Variants in TRPS1 observed in about 807,000 individuals in gnomAD.
TRPS1 encodes the protein zinc finger transcription factor Trps1.
TRPS1 carries 6 observed loss-of-function variants against 101.2 expected under a neutral mutation model. That is an observed-to-expected ratio of 0.06 (90% CI 0.03 to 0.12). The LOEUF is 0.12. Among genes scored for constraint, TRPS1 ranks in the 10% least tolerant of loss-of-function variants. The pLI, the probability that TRPS1 is intolerant of heterozygous loss-of-function variation, is 1.00. For synonymous variants in TRPS1, 578 were observed against 589.8 expected (o/e 0.98, Z 0.29); for missense variants, 1,363 against 1,567.0 (o/e 0.87, Z 2.20).
At chr8:115,462,642 T>TC (rs1491362722) in intron 5 of TRPS1, among the ~76,000 whole-genome samples, 1 of 21,106 alleles carries the variant, frequency 4.7e-5, no homozygotes. Context: ...TCTCTCTCTC[T>TC]TTTTTTTTTT....
chr8:115,422,386 A>G (rs1183471018), intron 5 of TRPS1, among the ~76,000 whole-genome samples: 1 of 142,436 alleles, frequency 7.0e-6, no homozygotes, highest in African/African-American at 2.7e-5. Flanking sequence ...TTTTTTTTTG[A>G]GATGGAGCGT....
intron 5 of TRPS1, among the ~76,000 whole-genome samples, chr8:115,492,800 A>G (rs1815060878): frequency 6.6e-6 from 1 of 151,952 alleles, no homozygotes; most frequent in South Asian, 2.1e-4. Flanking sequence ...TGCAACCACC[A>G]CCTCCCAGGT....
At chr8:115,420,451 T>G (rs879934851) in intron 5 of TRPS1, among the ~76,000 whole-genome samples, 1 of 152,186 alleles carries the variant, frequency 6.6e-6, no homozygotes, top group Non-Finnish European at 1.5e-5. Context: ...AACACCAACT[T>G]GGTCCACACA....
intron 1 of TRPS1, among the ~76,000 whole-genome samples, chr8:115,633,476 T>TA (rs985336572): frequency 6.6e-6 from 1 of 152,098 alleles, no homozygotes; most frequent in Non-Finnish European, 1.5e-5. Context: ...ACAAGCTACA[T>TA]AAAGGTGGAA....
intron 5 of TRPS1, among the ~76,000 whole-genome samples, chr8:115,427,534 CAA>C: frequency 6.6e-6 from 1 of 152,128 alleles, no homozygotes; most frequent in Admixed American, 6.6e-5. Context: ...AAGCAATTTG[CAA>C]CTGCTGAATA....
intron 5 of TRPS1, among the ~76,000 whole-genome samples, chr8:115,582,674 A>C (rs1464526089): frequency 6.6e-6 from 1 of 152,178 alleles, no homozygotes; most frequent in Non-Finnish European, 1.5e-5. Context: ...TCAGTGGCTC[A>C]ACTTGGAACT....
intron 5 of TRPS1, among the ~76,000 whole-genome samples, chr8:115,540,732 C>T (rs1276498722): frequency 6.6e-6 from 1 of 151,770 alleles, no homozygotes; most frequent in African/African-American, 2.4e-5. Context: ...GAATTACATA[C>T]CAGTTGTCTT....
intron 5 of TRPS1, among the ~76,000 whole-genome samples, chr8:115,471,958 C>T (rs1026809292): frequency 6.6e-6 from 1 of 152,190 alleles, no homozygotes; most frequent in Admixed American, 6.5e-5. Context: ...AGCTCTGCTC[C>T]CAGCTGCCTT....
intron 5 of TRPS1, among the ~76,000 whole-genome samples, chr8:115,423,620 C>G (rs1034607277): frequency 1.3e-5 from 2 of 152,092 alleles, no homozygotes; most frequent in South Asian, 4.1e-4. Context: ...AACAAACAAA[C>G]AAACAAACAA....
chr8:115,606,208 A>C (rs1818034602), intron 3 of TRPS1, among the ~76,000 whole-genome samples: 1 of 152,150 alleles, frequency 6.6e-6, no homozygotes, highest in South Asian at 2.1e-4. Flanking sequence ...AAATGCAAAT[A>C]ATATTGCTGT....
At chr8:115,459,279 G>A (rs1254849124) in intron 5 of TRPS1, among the ~76,000 whole-genome samples, 1 of 151,940 alleles carries the variant, frequency 6.6e-6, no homozygotes, top group Admixed American at 6.6e-5. Context: ...AGCAGAGATC[G>A]CGCCACTGCA....
chr8:115,586,673 T>C (rs1429284107), intron 5 of TRPS1, among the ~76,000 whole-genome samples: 1 of 152,250 alleles, frequency 6.6e-6, no homozygotes, highest in Non-Finnish European at 1.5e-5. Flanking sequence ...GTAGCAGATG[T>C]ACATCCTTCT....
intron 4 of TRPS1, among the ~76,000 whole-genome samples, chr8:115,595,931 G>T (rs1055298727): frequency 1.4e-4 from 21 of 151,690 alleles, no homozygotes; most frequent in African/African-American, 5.1e-4. Flanking sequence ...CTCATAGTGG[G>T]TATTTTCTAA....
chr8:115,577,346 T>C (rs1563616679), intron 5 of TRPS1, among the ~76,000 whole-genome samples: 1 of 152,184 alleles, frequency 6.6e-6, no homozygotes, highest in Non-Finnish European at 1.5e-5. Flanking sequence ...CATCTTTTTA[T>C]AAATGTATGG....
chr8:115,476,941 T>G (rs918996449), intron 5 of TRPS1, among the ~76,000 whole-genome samples: 1 of 152,224 alleles, frequency 6.6e-6, no homozygotes, highest in African/African-American at 2.4e-5. Flanking sequence ...TATGTCTGCA[T>G]TTCTCAAAAA....
At chr8:115,618,779 T>C (rs755114660) in intron 3 of TRPS1, among the ~76,000 whole-genome samples, 1 of 152,220 alleles carries the variant, frequency 6.6e-6, no homozygotes, top group Non-Finnish European at 1.5e-5. Flanking sequence ...GAACAAGGCA[T>C]GAATTATTAT....
At chr8:115,551,009 G>A (rs1029323529) in intron 5 of TRPS1, among the ~76,000 whole-genome samples, 6 of 152,228 alleles carry the variant, frequency 3.9e-5, no homozygotes, top group Non-Finnish European at 7.4e-5. Flanking sequence ...CAAACACGGA[G>A]GACTTCTGTG....
At chr8:115,479,612 G>A (rs1343995822) in intron 5 of TRPS1, among the ~76,000 whole-genome samples, 1 of 152,036 alleles carries the variant, frequency 6.6e-6, no homozygotes, top group Non-Finnish European at 1.5e-5. Context: ...ATAAAATTTT[G>A]TATCTAAATA....
At chr8:115,639,423 G>A (rs532557011) in intron 1 of TRPS1, among the ~76,000 whole-genome samples, 1 of 152,214 alleles carries the variant, frequency 6.6e-6, no homozygotes, top group African/African-American at 2.4e-5. Flanking sequence ...TGGGTGGAAG[G>A]ATAAAAGCAA....
Sources: gnomAD v4.1 joint callset for allele counts (sites outside exome capture counted in the v4.1 genomes callset) on GRCh38, gnomAD v4.1.1 for gene constraint, MANE v1.5 for transcripts, NCBI Gene and HGNC (gene_info 2026-07-23, HGNC 2026-07-21) for gene names.